Variants in CNTNAP5 observed in about 807,000 individuals in gnomAD.
The protein encoded by CNTNAP5 is contactin-associated protein-like 5.
CNTNAP5 carries 72 observed loss-of-function variants against 150.2 expected under a neutral mutation model. The observed-to-expected ratio is 0.48, with a 90% CI of 0.40 to 0.58. The LOEUF (loss-of-function observed/expected upper bound fraction) is 0.58, where lower values mean the gene tolerates loss of function less well. CNTNAP5 is among the 20% of genes least tolerant of loss of function. CNTNAP5 has a pLI of 0.00. For missense variants in CNTNAP5, 1,636 were observed against 1,626.2 expected (o/e 1.01, Z -0.10); for synonymous variants, 672 against 619.8 (o/e 1.08, Z -1.25).
intron 12 of CNTNAP5, among the ~76,000 whole-genome samples, chr2:124,619,093 C>G (rs186196015): frequency 6.6e-6 from 1 of 152,148 alleles, no homozygotes. Flanking sequence ...AGGTAGTTCT[C>G]GGCTTCATAC....
At chr2:124,711,746 C>T (rs1390891148) in intron 13 of CNTNAP5, among the ~76,000 whole-genome samples, 1 of 151,970 alleles carries the variant, frequency 6.6e-6, no homozygotes, top group African/African-American at 2.4e-5. Flanking sequence ...GAGGCTGAGA[C>T]AGGAGAATCC....
intron 3 of CNTNAP5, among the ~76,000 whole-genome samples, chr2:124,381,974 G>C (rs775849613): frequency 6.6e-6 from 1 of 152,150 alleles, no homozygotes; most frequent in Non-Finnish European, 1.5e-5. Context: ...AGCAACGAAG[G>C]TAAGCAGGAG....
Position 124,637,476 on chromosome 2 carries a change from C to T in CNTNAP5, c.1877-10282C>T, listed in dbSNP as rs541923847. Among the ~76,000 whole-genome samples the T allele has an allele frequency of 1.1e-4, 16 of 152,244 alleles. No individual in the cohort carries two copies. In the South Asian group the frequency reaches 2.7e-3, roughly 26 times the overall value. On this transcript the variant is annotated intron_variant, in intron 12 of 23. Coordinates refer to ENST00000682447, the MANE Select transcript of CNTNAP5 (RefSeq NM_001367498.1). The stretch of plus-strand genomic sequence containing the variant: ...GCAGACACATGACATCAGTTTGTCC[C>T]GATACTGGGGATGCTTCTCGCTATC...
chr2:124,423,652 CTTTT>C (rs1187961580), intron 4 of CNTNAP5, among the ~76,000 whole-genome samples: 3 of 41,590 alleles, frequency 7.2e-5, no homozygotes, highest in South Asian at 1.9e-3. Context: ...GGCTAATTAA[CTTTT>C]TTTTTTTTTT....
intron 13 of CNTNAP5, among the ~76,000 whole-genome samples, chr2:124,696,736 C>T (rs768521674): frequency 1.6e-4 from 25 of 152,224 alleles, no homozygotes; most frequent in Non-Finnish European, 3.1e-4. Context: ...TAATACATGA[C>T]GATCTTCAAT....
intron 21 of CNTNAP5, among the ~76,000 whole-genome samples, chr2:124,883,004 C>T (rs1323008556): frequency 6.6e-6 from 1 of 151,654 alleles, no homozygotes. Context: ...ATTATGGGAA[C>T]TACAGTTTAA....
intron 8 of CNTNAP5, among the ~76,000 whole-genome samples, chr2:124,516,572 A>G (rs1374454522): frequency 6.6e-6 from 1 of 152,174 alleles, no homozygotes; most frequent in East Asian, 1.9e-4. Context: ...CATCAAGGAA[A>G]TCTGTAACAA....
At chr2:124,413,389 C>A (rs1263049546) in intron 3 of CNTNAP5, among the ~76,000 whole-genome samples, 1 of 146,938 alleles carries the variant, frequency 6.8e-6, no homozygotes, top group Middle Eastern at 3.3e-3. Context: ...GGGTATATAC[C>A]CAAAGGACTA....
intron 3 of CNTNAP5, among the ~76,000 whole-genome samples, chr2:124,294,903 TG>T (rs1299718256): frequency 1.3e-5 from 2 of 152,124 alleles, no homozygotes; most frequent in Non-Finnish European, 2.9e-5. Context: ...GTCAGGAGTT[TG>T]AAAACAGCCT....
chr2:124,147,060 T>C lies in CNTNAP5; in HGVS notation c.83-74645T>C, dbSNP rs926500720. Among the ~76,000 whole-genome samples the C allele has an allele frequency of 2.0e-5, 3 of 152,320 alleles. No individual in the cohort carries two copies. In the South Asian group the frequency reaches 6.2e-4, roughly 32 times the overall value. On this transcript the variant is annotated intron_variant, in intron 1 of 23. Coordinates refer to ENST00000682447, the MANE Select transcript of CNTNAP5 (RefSeq NM_001367498.1). ...AGTACTCTATGATGCTTTCTCGAAG[T>C]AATCCAAAGATGATACAAAAAGGGG...
intron 3 of CNTNAP5, among the ~76,000 whole-genome samples, chr2:124,301,279 G>C (rs1688562764): frequency 6.6e-6 from 1 of 152,188 alleles, no homozygotes; most frequent in South Asian, 2.1e-4. Flanking sequence ...ATAAAGTGTA[G>C]TATCGATCAA....
intron 13 of CNTNAP5, among the ~76,000 whole-genome samples, chr2:124,678,590 TG>T (rs1313129619): frequency 3.3e-5 from 5 of 151,708 alleles, no homozygotes; most frequent in African/African-American, 1.2e-4. Context: ...TGTCCTATGA[TG>T]GGAGCTGACT....
intron 3 of CNTNAP5, among the ~76,000 whole-genome samples, chr2:124,263,923 G>T (rs1288098005): frequency 6.6e-6 from 1 of 152,046 alleles, no homozygotes; most frequent in Non-Finnish European, 1.5e-5. Flanking sequence ...CCCATTTCTT[G>T]TTTTTGTCAG....
At chr2:124,036,762 T>C (rs1407459333) in intron 1 of CNTNAP5, among the ~76,000 whole-genome samples, 1 of 152,178 alleles carries the variant, frequency 6.6e-6, no homozygotes, top group Non-Finnish European at 1.5e-5. Flanking sequence ...CCAACAGTCC[T>C]AAGAGACAGT....
intron 3 of CNTNAP5, among the ~76,000 whole-genome samples, chr2:124,348,073 GCCC>G (rs1689786176): frequency 1.3e-5 from 2 of 152,000 alleles, no homozygotes. Context: ...CTAGTGAGCC[GCCC>G]GCGTCGGCCT....
intron 1 of CNTNAP5, among the ~76,000 whole-genome samples, chr2:124,163,362 T>A (rs1170891005): frequency 1.3e-5 from 2 of 152,160 alleles, no homozygotes; most frequent in Non-Finnish European, 2.9e-5. Context: ...TATATCAAAT[T>A]GTCATCATAG....
chr2:124,366,542 C>G (rs1361808909), intron 3 of CNTNAP5, among the ~76,000 whole-genome samples: 2 of 152,154 alleles, frequency 1.3e-5, no homozygotes, highest in Non-Finnish European at 2.9e-5. Flanking sequence ...TCTGTGTCCT[C>G]AGGAAAAGAA....
intron 3 of CNTNAP5, among the ~76,000 whole-genome samples, chr2:124,337,560 A>C (rs1036657085): frequency 6.6e-6 from 1 of 152,162 alleles, no homozygotes; most frequent in African/African-American, 2.4e-5. Flanking sequence ...ATAAGGTGTA[A>C]GGAAGGGATC....
intron 14 of CNTNAP5, among the ~76,000 whole-genome samples, chr2:124,757,698 A>G (rs943132967): frequency 6.6e-6 from 1 of 152,190 alleles, no homozygotes; most frequent in African/African-American, 2.4e-5. Flanking sequence ...AAGTGAGCTC[A>G]TGAGTGAAAC....
Sources: allele counts gnomAD v4.1 joint callset (sites outside exome capture counted in the v4.1 genomes callset), GRCh38; gene constraint gnomAD v4.1.1; transcripts MANE v1.5; gene names NCBI Gene and HGNC (gene_info 2026-07-23, HGNC 2026-07-21).